The following CLMN variants were observed in gnomAD, a reference collection of about 807,000 sequenced individuals.
CLMN encodes the protein calmin, also known as calmin (calponin-like, transmembrane).
In CLMN, 57 loss-of-function variants were observed where a neutral mutation model predicts 92.7. That is an observed-to-expected ratio of 0.61 (90% CI 0.50 to 0.77). CLMN has a LOEUF of 0.77. Ranked by LOEUF, CLMN falls within the 30% of genes least tolerant of loss-of-function variation. The probability of loss-of-function intolerance (pLI) is 0.00; values close to 1 mark genes in which losing one functional copy is unlikely to be tolerated. For synonymous variants in CLMN, 466 were observed against 470.6 expected (o/e 0.99, Z 0.13); for missense variants, 1,158 against 1,237.5 (o/e 0.94, Z 0.96).
At chr14:95,204,689 C>T (rs1162423227) in intron 8 of CLMN, among the ~76,000 whole-genome samples, 7 of 152,074 alleles carry the variant, frequency 4.6e-5, no homozygotes, top group Non-Finnish European at 1.0e-4. Flanking sequence ...ATGAAAACAT[C>T]AGATAAATAA....
chr14:95,316,515 G>A (rs932913472), intron 1 of CLMN, among the ~76,000 whole-genome samples: 6 of 152,204 alleles, frequency 3.9e-5, no homozygotes, highest in Admixed American at 1.3e-4. Flanking sequence ...CAGCTCACCC[G>A]GACCTCCAAA....
Position 95,182,821 on chromosome 14 carries a change from C to T in CLMN, c.*8743G>A, listed in dbSNP as rs1283723691. 9 of 152,286 alleles carry T rather than the reference C, an allele frequency of 5.9e-5. No individual in the cohort carries two copies. The highest frequency in any genetic ancestry group is 3.9e-4 in the Admixed American group (6 of 15,294). The allele number at this position is 152,286 out of a possible 1,614,324, so 9.4% of individuals were successfully genotyped here. ...CTTAGGAAACTGCCTCAGATGCTGA[C>T]GTAATTTAAGGAGACCAATTTCCTT... On this transcript the variant is annotated 3_prime_UTR_variant, in exon 13 of 13. Transcript: ENST00000298912.
chr14:95,282,903 C>T (rs1433530734), intron 1 of CLMN, among the ~76,000 whole-genome samples: 9 of 152,220 alleles, frequency 5.9e-5, no homozygotes, highest in Non-Finnish European at 1.5e-5. Context: ...TGACCACAAT[C>T]AAGAAGCCCA....
At chr14:95,284,685 G>A (rs1472342092) in intron 1 of CLMN, among the ~76,000 whole-genome samples, 1 of 151,370 alleles carries the variant, frequency 6.6e-6, no homozygotes, top group Non-Finnish European at 1.5e-5. Flanking sequence ...CCCTTTTTTT[G>A]GCCAATTTCT....
rs114992637 is a variant in CLMN at position 95,309,354 on chromosome 14, G to A, written c.82+10357C>T. Among the ~76,000 whole-genome samples the A allele has an allele frequency of 2.2e-3, 339 of 152,220 alleles. 3 individuals are homozygous for A. The highest frequency in any genetic ancestry group is 7.7e-3 in the African/African-American group (319 of 41,524). On this transcript the variant is annotated intron_variant, in intron 1 of 12. Coordinates refer to ENST00000298912, the MANE Select transcript of CLMN (RefSeq NM_024734.4). ...AGGACTCAGCTTGCTCTAGGGTAAC[G>A]GCATTTCCAGGGTTCATGGATCTCC... is the stretch of plus-strand genomic sequence containing the variant.
chr14:95,269,514 C>G (rs1309761551), intron 1 of CLMN, among the ~76,000 whole-genome samples: 2 of 152,204 alleles, frequency 1.3e-5, no homozygotes, highest in Non-Finnish European at 2.9e-5. Flanking sequence ...AGGGCTTTCC[C>G]CAGCTCATGA....
chr14:95,281,431 A>G (rs1349433426), intron 1 of CLMN, among the ~76,000 whole-genome samples: 2 of 152,254 alleles, frequency 1.3e-5, no homozygotes, highest in African/African-American at 4.8e-5. Flanking sequence ...AATGGGAACT[A>G]GAGAAAGAAA....
In CLMN at chr14:95,245,208, TTATATA is replaced by T. The variant is rs1225641854; in HGVS notation, c.83-15081_83-15076del. On this transcript the variant is annotated intron_variant, in intron 1 of 12. Coordinates refer to ENST00000298912, the MANE Select transcript of CLMN (RefSeq NM_024734.4). The stretch of plus-strand genomic sequence containing the variant: ...TATATATATATAATATATATATATA[TTATATA>T]TATATATATATTATATATATATATT... Among the ~76,000 whole-genome samples, 5 of 19,802 alleles carry T rather than the reference TTATATA, an allele frequency of 2.5e-4. No individual in the cohort carries two copies. In the East Asian group the frequency reaches 5.7e-3, roughly 23 times the overall value. 13.0% of individuals were successfully genotyped at this position (19,802 alleles called of 152,430 possible).
chr14:95,210,830 C>T lies in CLMN; in HGVS notation c.658G>A (p.Ala220Thr), dbSNP rs1461371267. ...ATGGCCTTGATCACCGCCAGGAAAG[C>T]CAGCCCACTCCTCCAACTGCCCGCA... Reference protein sequence around the residue: ...DFAGSWRSGLAFLAVIKAIDP... With the variant: ...DFAGSWRSGLTFLAVIKAIDP... Residue 220 changes from alanine to threonine, a missense_variant, in exon 7 of 13, where the codon GCT becomes ACT. Physicochemically the swap from Ala to Thr is moderately conservative, Grantham distance 58. Coordinates refer to ENST00000298912, the MANE Select transcript of CLMN (RefSeq NM_024734.4). 1 of 1,570,338 alleles carries T rather than the reference C, an allele frequency of 6.4e-7. No individual in the cohort carries two copies. The highest frequency in any genetic ancestry group is 8.6e-7 in the Non-Finnish European group (1 of 1,164,264).
At chr14:95,241,330 G>C (rs983953226) in intron 1 of CLMN, among the ~76,000 whole-genome samples, 1 of 152,162 alleles carries the variant, frequency 6.6e-6, no homozygotes, top group African/African-American at 2.4e-5. Context: ...GGTAAACCAG[G>C]ACAAGTGGGC....
chr14:95,309,522 G>A (rs1242432803), intron 1 of CLMN, among the ~76,000 whole-genome samples: 1 of 152,242 alleles, frequency 6.6e-6, no homozygotes, highest in East Asian at 1.9e-4. Flanking sequence ...GCATAGATGA[G>A]ATCACCATGA....
chr14:95,198,152 T>C (rs1362049635), intron 9 of CLMN, among the ~76,000 whole-genome samples: 2 of 148,088 alleles, frequency 1.4e-5, no homozygotes, highest in Non-Finnish European at 3.0e-5. Context: ...CAGGTTTAAG[T>C]GATTTTTCTG....
intron 1 of CLMN, among the ~76,000 whole-genome samples, chr14:95,248,433 G>A (rs552711003): frequency 3.3e-5 from 5 of 152,244 alleles, no homozygotes; most frequent in African/African-American, 1.2e-4. Context: ...GTTACCCATC[G>A]AAGAAATGAG....
Position 95,203,102 on chromosome 14 carries a change from A to T in CLMN, c.2247T>A (p.Asp749Glu), listed in dbSNP as rs1416375754. 1 of 1,613,496 alleles carries T rather than the reference A, an allele frequency of 6.2e-7. No individual in the cohort carries two copies. Among genetic ancestry groups the T allele is most frequent in the Non-Finnish European group, 8.5e-7 (1 of 1,179,986 alleles). ...CGAGATCCATTTCTTCATTTTTTAG[A>T]TCCTCCGGGTCTTCTACATAAGCCT... is the stretch of plus-strand genomic sequence containing the variant. Reference protein sequence around the residue: ...VLEAYVEDPEDLKNEEMDLEE... With the variant: ...VLEAYVEDPEELKNEEMDLEE... Residue 749 changes from aspartate to glutamate, a missense_variant, in exon 9 of 13, where the codon GAT (aspartate) becomes GAA (glutamate). Coordinates refer to ENST00000298912, the MANE Select transcript of CLMN (RefSeq NM_024734.4).
At chr14:95,193,415 C>T (rs1418762075) in intron 12 of CLMN, 1 of 1,526,702 alleles carries the variant, frequency 6.6e-7, no homozygotes, top group East Asian at 2.4e-5. Flanking sequence ...GAGTACTGTA[C>T]CTGCAGTGGC....
Position 95,186,745 on chromosome 14 carries a change from G to C in CLMN, c.*4819C>G, listed in dbSNP as rs922232945. 6.6e-6 allele frequency: 1 copy of C among 152,246 alleles called. No individual in the cohort carries two copies. The highest frequency in any genetic ancestry group is 1.5e-5 in the Non-Finnish European group (1 of 68,108). 9.4% of individuals were successfully genotyped at this position (152,246 alleles called of 1,614,324 possible). A position where few individuals can be genotyped will look rare whatever the true frequency, so the allele number is the denominator to read the frequency against. On this transcript the variant is annotated 3_prime_UTR_variant, in exon 13 of 13. Transcript: ENST00000298912. ...ACTAATTTAAATTTAACTTTTTGTA[G>C]AGATGGAGTCTTGCTATGTTGTGCA...
chr14:95,271,582 C>T (rs1319445214), intron 1 of CLMN, among the ~76,000 whole-genome samples: 1 of 152,160 alleles, frequency 6.6e-6, no homozygotes, highest in Non-Finnish European at 1.5e-5. Context: ...CAACTGGCAG[C>T]AGGTTTAAAT....
intron 12 of CLMN, chr14:95,193,117 A>T: frequency 1.9e-6 from 1 of 540,074 alleles, no homozygotes; most frequent in Non-Finnish European, 3.3e-6. Flanking sequence ...TTCCAAGCCA[A>T]TTCAAATCTG....
chr14:95,192,059 C>T (rs544052199), intron 12 of CLMN: 41 of 209,154 alleles, frequency 2.0e-4, no homozygotes, highest in African/African-American at 8.3e-4. Flanking sequence ...ATTAACTTGG[C>T]GACAGAGAGG....
Sources: allele counts gnomAD v4.1 joint callset (sites outside exome capture counted in the v4.1 genomes callset), GRCh38; gene constraint gnomAD v4.1.1; transcripts MANE v1.5; gene names NCBI Gene and HGNC (gene_info 2026-07-23, HGNC 2026-07-21).